Variants in ATRNL1 observed in about 807,000 individuals in gnomAD.
ATRNL1 encodes attractin-like protein 1.
In ATRNL1, 95 loss-of-function variants were observed where a neutral mutation model predicts 182.7. That is an observed-to-expected ratio of 0.52 (90% CI 0.44 to 0.62). The LOEUF is 0.62. Among genes scored for constraint, ATRNL1 ranks in the 20% least tolerant of loss-of-function variants. ATRNL1 has a pLI of 0.00. For synonymous variants in ATRNL1, 576 were observed against 568.3 expected, an observed-to-expected ratio of 1.01 and a Z score of -0.19; for missense variants, 1,471 against 1,679.5, an observed-to-expected ratio of 0.88 and a Z score of 2.17.
At chr10:115,357,170 T>C (rs1856540299) in intron 19 of ATRNL1, among the ~76,000 whole-genome samples, 1 of 151,950 alleles carries the variant, frequency 6.6e-6, no homozygotes. Flanking sequence ...TCACAAGTGT[T>C]GTAGAATTCC....
intron 24 of ATRNL1, among the ~76,000 whole-genome samples, chr10:115,478,471 C>G (rs1039139660): frequency 1.3e-5 from 2 of 151,750 alleles, no homozygotes; most frequent in Non-Finnish European, 2.9e-5. Context: ...ACATGGCCCT[C>G]TCTACAACAT....
At chr10:115,170,986 G>T (rs1847265956) in intron 7 of ATRNL1, 51 bp from the exon 8 acceptor site, 1 of 1,113,158 alleles carries the variant, frequency 9.0e-7, no homozygotes, top group African/African-American at 1.6e-5. Flanking sequence ...ATTAATATGT[G>T]TTAAGATATA....
chr10:115,242,266 T>A (rs1554903123), intron 10 of ATRNL1, among the ~76,000 whole-genome samples: 2 of 152,004 alleles, frequency 1.3e-5, no homozygotes, highest in Admixed American at 6.6e-5. Flanking sequence ...GGGAAACAAC[T>A]ATATAAGCAT....
chr10:115,389,043 C>T (rs782593976), intron 19 of ATRNL1, among the ~76,000 whole-genome samples: 2 of 152,034 alleles, frequency 1.3e-5, no homozygotes, highest in Non-Finnish European at 2.9e-5. Flanking sequence ...TTTGATCAAC[C>T]TTTCTTCTTT....
intron 26 of ATRNL1, among the ~76,000 whole-genome samples, chr10:115,720,064 T>C (rs1465573341): frequency 2.0e-4 from 31 of 152,118 alleles, no homozygotes; most frequent in Non-Finnish European, 5.9e-5. Context: ...AGTTTCGTCA[T>C]GTTGGCTAGG....
At chr10:115,783,321 A>G (rs1221194932) in intron 27 of ATRNL1, among the ~76,000 whole-genome samples, 1 of 152,178 alleles carries the variant, frequency 6.6e-6, no homozygotes, top group African/African-American at 2.4e-5. Context: ...TCTAAATTAG[A>G]CTGATAAAAA....
At chr10:115,620,825 G>C (rs1157752201) in intron 26 of ATRNL1, among the ~76,000 whole-genome samples, 1 of 152,166 alleles carries the variant, frequency 6.6e-6, no homozygotes, top group African/African-American at 2.4e-5. Context: ...CAAAGATATA[G>C]CTTTCATTTT....
intron 19 of ATRNL1, among the ~76,000 whole-genome samples, chr10:115,379,242 A>G (rs1189331825): frequency 1.3e-5 from 2 of 152,334 alleles, no homozygotes; most frequent in Middle Eastern, 6.8e-3. Context: ...TAATGCCTTC[A>G]TAGGTGCTGG....
At chr10:115,283,204 A>T (rs1468063231) in intron 14 of ATRNL1, among the ~76,000 whole-genome samples, 2 of 152,102 alleles carry the variant, frequency 1.3e-5, no homozygotes, top group Admixed American at 1.3e-4. Context: ...ACTTGAGGTC[A>T]GGAGTTGAAG....
At chr10:115,587,478 C>T (rs988026255) in intron 26 of ATRNL1, among the ~76,000 whole-genome samples, 6 of 151,844 alleles carry the variant, frequency 4.0e-5, no homozygotes, top group Non-Finnish European at 5.9e-5. Flanking sequence ...GTTGTTTTAG[C>T]CCGTCGGAAA....
chr10:115,184,088 C>A (rs1454266237), intron 8 of ATRNL1, among the ~76,000 whole-genome samples: 4 of 150,976 alleles, frequency 2.6e-5, no homozygotes, highest in Non-Finnish European at 5.9e-5. Flanking sequence ...TATAGCCAAG[C>A]ATCTAAGGAT....
At chr10:115,879,319 A>T (rs1289779707) in intron 28 of ATRNL1, among the ~76,000 whole-genome samples, 5 of 151,538 alleles carry the variant, frequency 3.3e-5, no homozygotes, top group Non-Finnish European at 5.9e-5. Context: ...AAAAAAAGAA[A>T]GAAAGAAAGA....
intron 19 of ATRNL1, among the ~76,000 whole-genome samples, chr10:115,345,441 A>G (rs1247101186): frequency 6.6e-5 from 10 of 152,102 alleles, no homozygotes; most frequent in Admixed American, 6.6e-4. Flanking sequence ...GTGCCTAGAG[A>G]TACTTTCCTC....
chr10:115,293,306 T>C (rs183848862), intron 15 of ATRNL1, among the ~76,000 whole-genome samples: 1 of 152,226 alleles, frequency 6.6e-6, no homozygotes, highest in Admixed American at 6.5e-5. Flanking sequence ...AAAAATACCC[T>C]CAGACAGTCT....
At chr10:115,311,880 T>C (rs1854051631) in intron 17 of ATRNL1, among the ~76,000 whole-genome samples, 1 of 152,064 alleles carries the variant, frequency 6.6e-6, no homozygotes, top group African/African-American at 2.4e-5. Flanking sequence ...TTTTCTTTAC[T>C]GTTGTTCCTT....
intron 27 of ATRNL1, among the ~76,000 whole-genome samples, chr10:115,836,790 A>G (rs1261962350): frequency 4.6e-5 from 7 of 152,208 alleles, no homozygotes; most frequent in Non-Finnish European, 1.0e-4. Context: ...AGAAGATGCT[A>G]TTCAACCCTC....
chr10:115,516,290 T>A (rs1466124400), intron 24 of ATRNL1, among the ~76,000 whole-genome samples: 2 of 151,874 alleles, frequency 1.3e-5, no homozygotes, highest in African/African-American at 4.8e-5. Flanking sequence ...TAGTCATGAC[T>A]GATTCTTCTC....
At chr10:115,788,529 T>C (rs1555080945) in intron 27 of ATRNL1, among the ~76,000 whole-genome samples, 1 of 152,198 alleles carries the variant, frequency 6.6e-6, no homozygotes, top group African/African-American at 2.4e-5. Flanking sequence ...TATTTCTAGT[T>C]GCCTACTTGA....
At chr10:115,376,596 T>C (rs667590) in intron 19 of ATRNL1, among the ~76,000 whole-genome samples, 57,137 of 152,004 alleles carry the variant, frequency 0.38, 11,969 homozygotes, top group African/African-American at 0.56. Flanking sequence ...TGGTCTCAAG[T>C]GATCCTTCTG....
Sources: allele counts gnomAD v4.1 joint callset (sites outside exome capture counted in the v4.1 genomes callset), GRCh38; gene constraint gnomAD v4.1.1; transcripts MANE v1.5; gene names NCBI Gene and HGNC (gene_info 2026-07-23, HGNC 2026-07-21).